The following MET variants were observed in gnomAD, a reference collection of about 807,000 sequenced individuals.
MET encodes hepatocyte growth factor receptor.
Under a neutral mutation model 133.1 loss-of-function variants are expected in MET, and 48 were observed. That is an observed-to-expected ratio of 0.36 (90% CI 0.29 to 0.46). The LOEUF is 0.46. Ranked by LOEUF, MET falls within the 20% of genes least tolerant of loss-of-function variation. The pLI is 1.00. For missense variants in MET, 1,442 were observed against 1,695.9 expected (o/e 0.85, Z 2.63); for synonymous variants, 628 against 616.5 (o/e 1.02, Z -0.28).
chr7:116,705,574 A>C (rs1248942555), intron 2 of MET, among the ~76,000 whole-genome samples: 1 of 152,180 alleles, frequency 6.6e-6, no homozygotes, highest in African/African-American at 2.4e-5. Context: ...TTCATTCTTA[A>C]TATTAGACAG....
intron 1 of MET, among the ~76,000 whole-genome samples, chr7:116,696,929 C>G (rs1280005196): frequency 6.6e-6 from 1 of 152,242 alleles, no homozygotes; most frequent in Non-Finnish European, 1.5e-5. Flanking sequence ...CAGAATCCTT[C>G]TCATTTCCGC....
Position 116,796,096 on chromosome 7 carries a change from G to T in MET, c.4145G>T (p.Arg1382Leu), listed in dbSNP as rs752694306. 1 of 1,614,100 alleles carries T rather than the reference G, an allele frequency of 6.2e-7. No homozygotes were observed. Among genetic ancestry groups the T allele is most frequent in the South Asian group, 1.1e-5 (1 of 91,042 alleles). ...AACGCTGATGATGAGGTGGACACAC[G>T]ACCAGCCTCCTTCTGGGAGACATCA... ...EDNADDEVDT[R>L]PASFWETS The change falls in exon 21 of 21, where the codon CGA (arginine) becomes CTA (leucine). Residue 1382 changes from arginine to leucine, a missense_variant. Coordinates refer to ENST00000397752, the MANE Select transcript of MET (RefSeq NM_000245.4).
chr7:116,741,643 T>C (rs1216733215), intron 5 of MET, among the ~76,000 whole-genome samples: 1 of 152,166 alleles, frequency 6.6e-6, no homozygotes, highest in Non-Finnish European at 1.5e-5. Context: ...GCAAGGCAAG[T>C]GGAGGGTCAA....
chr7:116,769,936 GA>G (rs1165675906), intron 12 of MET, 145 bp downstream of exon 12: 1 of 1,207,446 alleles, frequency 8.3e-7, no homozygotes, highest in African/African-American at 1.5e-5. Context: ...TGTTATTTTA[GA>G]AATAGTGAGC....
intron 1 of MET, among the ~76,000 whole-genome samples, chr7:116,681,366 G>A (rs908574113): frequency 5.3e-4 from 81 of 152,052 alleles, no homozygotes; most frequent in African/African-American, 1.9e-3. Flanking sequence ...AAATATTCTA[G>A]CATATCTAGC....
chr7:116,675,502 C>G (rs148287228), intron 1 of MET, among the ~76,000 whole-genome samples: 89 of 152,196 alleles, frequency 5.8e-4, no homozygotes, highest in African/African-American at 2.1e-3. Context: ...CTTTCTGATA[C>G]CAAAACGACC....
chr7:116,771,749 T>C (rs2116994408), intron 13 of MET, 95 bp downstream of exon 13: 3 of 1,607,540 alleles, frequency 1.9e-6, no homozygotes, highest in Non-Finnish European at 1.7e-6. Context: ...CTGTCTTATA[T>C]GTAGTCCATA....
chr7:116,724,906 G>T, intron 2 of MET: 2 of 1,236,194 alleles, frequency 1.6e-6, no homozygotes, highest in East Asian at 5.6e-5. Flanking sequence ...GAGATTCCAT[G>T]AATTAATATT....
intron 1 of MET, among the ~76,000 whole-genome samples, chr7:116,696,364 T>A (rs1489523164): frequency 2.0e-5 from 3 of 152,176 alleles, no homozygotes; most frequent in Non-Finnish European, 4.4e-5. Flanking sequence ...TAATCATATG[T>A]CTTTCCCACA....
intron 5 of MET, among the ~76,000 whole-genome samples, chr7:116,751,756 A>C (rs1419368770): frequency 6.6e-6 from 1 of 152,164 alleles, no homozygotes; most frequent in African/African-American, 2.4e-5. Context: ...TGCAGTTATC[A>C]TATCTTGTAA....
At chr7:116,762,244 G>A (rs1794430101) in intron 10 of MET, among the ~76,000 whole-genome samples, 1 of 152,124 alleles carries the variant, frequency 6.6e-6, no homozygotes, top group Admixed American at 6.5e-5. Context: ...AGATAGCATG[G>A]GAGTGAAGAC....
intron 11 of MET, among the ~76,000 whole-genome samples, chr7:116,763,822 C>T (rs1794505030): frequency 6.6e-6 from 1 of 152,146 alleles, no homozygotes; most frequent in African/African-American, 2.4e-5. Context: ...ACAAAGAACA[C>T]TAAGACCCAG....
chr7:116,759,621 A>G lies in MET; in HGVS notation c.2364+131A>G, dbSNP rs777691235. ...TAGTTAATTTCCTTGCAGTGTAGCC[A>G]AGTAGTATTTTTTATTTAATAACTG... On this transcript the variant is annotated intron_variant, in intron 10 of 20. Coordinates refer to ENST00000397752, the MANE Select transcript of MET (RefSeq NM_000245.4). 18 of 1,046,340 alleles carry G rather than the reference A, an allele frequency of 1.7e-5. No homozygotes were observed. The African/African-American group carries it at 2.7e-4, about 16-fold the overall frequency. The allele number at this position is 1,046,340 out of a possible 1,614,324, so 64.8% of individuals were successfully genotyped here.
intron 2 of MET, among the ~76,000 whole-genome samples, chr7:116,709,556 T>C (rs1791920051): frequency 6.6e-6 from 1 of 152,172 alleles, no homozygotes; most frequent in Non-Finnish European, 1.5e-5. Context: ...GTTCATTTTT[T>C]TTATTTTTGC....
intron 2 of MET, among the ~76,000 whole-genome samples, chr7:116,712,712 C>A (rs1219042592): frequency 6.6e-6 from 1 of 151,894 alleles, no homozygotes; most frequent in Non-Finnish European, 1.5e-5. Context: ...CCACACACAC[C>A]CTCCTTCATT....
intron 2 of MET, among the ~76,000 whole-genome samples, chr7:116,722,822 T>C (rs1390948791): frequency 2.6e-5 from 4 of 152,098 alleles, no homozygotes; most frequent in Admixed American, 1.3e-4. Context: ...CACTCTCTTC[T>C]GGCTTGTAGG....
At chr7:116,756,301 C>T (rs981075382) in intron 6 of MET, among the ~76,000 whole-genome samples, 1 of 151,926 alleles carries the variant, frequency 6.6e-6, no homozygotes, top group African/African-American at 2.4e-5. Flanking sequence ...CACATAATAA[C>T]AACACTCAAA....
At chr7:116,705,715 G>A (rs1047866755) in intron 2 of MET, among the ~76,000 whole-genome samples, 6 of 152,036 alleles carry the variant, frequency 3.9e-5, no homozygotes, top group African/African-American at 1.4e-4. Flanking sequence ...GTAAGTAAAA[G>A]GTTATTAATT....
At chr7:116,723,558 C>G (rs1293873029) in intron 2 of MET, among the ~76,000 whole-genome samples, 3 of 151,826 alleles carry the variant, frequency 2.0e-5, no homozygotes, top group African/African-American at 7.3e-5. Context: ...GAGAGGCGCT[C>G]TGCGTTTTAG....
Sources: gnomAD v4.1 joint callset for allele counts (sites outside exome capture counted in the v4.1 genomes callset) on GRCh38, gnomAD v4.1.1 for gene constraint, MANE v1.5 for transcripts, NCBI Gene and HGNC (gene_info 2026-07-23, HGNC 2026-07-21) for gene names.